The following IGSF11 variants were observed in gnomAD, a reference collection of about 807,000 sequenced individuals.
The protein encoded by IGSF11 is immunoglobulin superfamily member 11.
IGSF11 carries 22 observed loss-of-function variants against 41.0 expected under a neutral mutation model. The ratio of observed to expected loss-of-function variants is 0.54; its 90% CI spans 0.38 to 0.77. The LOEUF is 0.77. Among genes scored for constraint, IGSF11 ranks in the 30% least tolerant of loss-of-function variants. The probability of loss-of-function intolerance (pLI) is 0.00; values close to 1 mark genes in which losing one functional copy is unlikely to be tolerated. For synonymous variants in IGSF11, 219 were observed against 201.3 expected (o/e 1.09, Z -0.74); for missense variants, 444 against 530.8 (o/e 0.84, Z 1.61).
chr3:118,954,814 T>TG (rs1172755820), intron 1 of IGSF11, among the ~76,000 whole-genome samples: 3 of 152,062 alleles, frequency 2.0e-5, no homozygotes, highest in Non-Finnish European at 4.4e-5. Context: ...TGAATAAATG[T>TG]GGGTAAATGC....
chr3:119,029,274 A>ACACACACC (rs35892047), intron 1 of IGSF11, among the ~76,000 whole-genome samples: 7 of 143,710 alleles, frequency 4.9e-5, no homozygotes, highest in African/African-American at 1.3e-4. Context: ...ACACACACAC[A>ACACACACC]CCCGAGAGAG....
chr3:118,944,457 TACACACACACACACACACACACACAC>T (rs3079206), intron 1 of IGSF11, among the ~76,000 whole-genome samples: 1 of 125,814 alleles, frequency 7.9e-6, no homozygotes, highest in South Asian at 3.0e-4. Context: ...TAGCTTGAAA[TACACACACACACACACACACACACAC>T]ACACACACAC....
intron 1 of IGSF11, among the ~76,000 whole-genome samples, chr3:119,031,939 TCTG>T (rs1314642833): frequency 2.0e-5 from 3 of 152,358 alleles, no homozygotes; most frequent in Admixed American, 6.5e-5. Flanking sequence ...TGAAAAGTTA[TCTG>T]CTATTTCAAG....
intron 1 of IGSF11, among the ~76,000 whole-genome samples, chr3:118,940,666 A>G (rs1159374454): frequency 6.6e-6 from 1 of 152,098 alleles, no homozygotes; most frequent in Non-Finnish European, 1.5e-5. Context: ...TTGTATAGAC[A>G]AATTGCTCCT....
At chr3:118,914,045 T>A (rs1053510251) in intron 4 of IGSF11, among the ~76,000 whole-genome samples, 3 of 152,106 alleles carry the variant, frequency 2.0e-5, no homozygotes, top group Non-Finnish European at 4.4e-5. Flanking sequence ...ATTATTTGGA[T>A]AGAGAGTAGA....
At chr3:118,904,247 G>C (rs1399474321) in intron 6 of IGSF11, among the ~76,000 whole-genome samples, 2 of 152,150 alleles carry the variant, frequency 1.3e-5, no homozygotes, top group Non-Finnish European at 2.9e-5. Flanking sequence ...TAGTGCTGTG[G>C]TCTGACTGTG....
At chr3:118,978,055 G>T (rs1934316246) in intron 1 of IGSF11, among the ~76,000 whole-genome samples, 1 of 152,160 alleles carries the variant, frequency 6.6e-6, no homozygotes, top group African/African-American at 2.4e-5. Flanking sequence ...ACACCCTCCA[G>T]CTGCCTGCCT....
At chr3:119,109,485 T>G (rs1576810570), upstream of IGSF11, among the ~76,000 whole-genome samples, 1 of 152,232 alleles carries the variant, frequency 6.6e-6, no homozygotes, top group East Asian at 1.9e-4. Context: ...TCTCTTTTTT[T>G]CTTTATTAGT....
intron 1 of IGSF11, among the ~76,000 whole-genome samples, chr3:119,029,277 C>CGA (rs10662903): frequency 0.013 from 1,892 of 146,324 alleles, 22 homozygotes; most frequent in South Asian, 0.023. Flanking sequence ...CACACACACC[C>CGA]GAGAGAGAGA....
intron 1 of IGSF11, among the ~76,000 whole-genome samples, chr3:119,129,707 A>G (rs1426586556): frequency 3.3e-5 from 5 of 152,210 alleles, no homozygotes; most frequent in African/African-American, 1.2e-4. Flanking sequence ...AAAAGCAACC[A>G]TGTACAATGG....
intron 1 of IGSF11, among the ~76,000 whole-genome samples, chr3:119,000,892 T>C (rs570711934): frequency 1.3e-3 from 191 of 152,328 alleles, no homozygotes; most frequent in Non-Finnish European, 2.0e-3. Context: ...ATCTCTTCAA[T>C]GGCCCTTTGT....
At chr3:119,105,083 A>G (rs2077000091) in intron 1 of IGSF11, 1 of 1,060,620 alleles carries the variant, frequency 9.4e-7, no homozygotes, top group Non-Finnish European at 1.4e-6. Context: ...TCACTCAGCC[A>G]GGCCATAAGA....
At chr3:119,064,479 A>G (rs1942157155) in intron 1 of IGSF11, among the ~76,000 whole-genome samples, 1 of 146,076 alleles carries the variant, frequency 6.8e-6, no homozygotes, top group Admixed American at 6.8e-5. Context: ...TAAGTCCTCC[A>G]GCTTTGTTCT....
intron 1 of IGSF11, among the ~76,000 whole-genome samples, chr3:119,083,401 T>C (rs2076616629): frequency 6.6e-6 from 1 of 152,046 alleles, no homozygotes; most frequent in Admixed American, 6.6e-5. Context: ...CTGCACCTGG[T>C]AAGACTATTT....
chr3:118,938,692 T>C (rs1173215400), intron 1 of IGSF11, among the ~76,000 whole-genome samples: 1 of 152,178 alleles, frequency 6.6e-6, no homozygotes, highest in Non-Finnish European at 1.5e-5. Flanking sequence ...CTACAAGTGA[T>C]TGTACCAGAA....
intron 1 of IGSF11, among the ~76,000 whole-genome samples, chr3:118,997,675 T>C (rs1023555904): frequency 6.6e-6 from 1 of 152,050 alleles, no homozygotes; most frequent in East Asian, 1.9e-4. Context: ...TTCTGACAAC[T>C]ATACCAGGCA....
At chr3:119,130,927 C>T (rs1402326748) in intron 1 of IGSF11, among the ~76,000 whole-genome samples, 1 of 152,130 alleles carries the variant, frequency 6.6e-6, no homozygotes, top group African/African-American at 2.4e-5. Context: ...TGGAGTGGAC[C>T]CCCAGCAAAC....
At chr3:118,989,600 C>T (rs543762271) in intron 1 of IGSF11, among the ~76,000 whole-genome samples, 52 of 152,154 alleles carry the variant, frequency 3.4e-4, no homozygotes, top group African/African-American at 1.2e-3. Flanking sequence ...GTGATCTGCC[C>T]GCCTCGGCCT....
At chr3:119,115,523 A>G (rs1401309817) in intron 1 of IGSF11, among the ~76,000 whole-genome samples, 1 of 152,176 alleles carries the variant, frequency 6.6e-6, no homozygotes, top group Non-Finnish European at 1.5e-5. Flanking sequence ...ACCTTTTCAT[A>G]TACCTGTTTG....
Sources: allele counts gnomAD v4.1 joint callset (sites outside exome capture counted in the v4.1 genomes callset), GRCh38; gene constraint gnomAD v4.1.1; transcripts MANE v1.5; gene names NCBI Gene and HGNC (gene_info 2026-07-23, HGNC 2026-07-21).